The following CERS6 variants were observed in gnomAD, a reference collection of about 807,000 sequenced individuals.
CERS6 encodes ceramide synthase 6.
In CERS6, 26 loss-of-function variants were observed where a neutral mutation model predicts 56.8. The observed-to-expected ratio is 0.46, with a 90% CI of 0.34 to 0.63. CERS6 has a LOEUF of 0.63. CERS6 is among the 30% of genes least tolerant of loss of function. CERS6 has a pLI of 0.01. For missense variants in CERS6, 415 were observed against 467.5 expected, an observed-to-expected ratio of 0.89 and a Z score of 1.04; for synonymous variants, 164 against 173.3, an observed-to-expected ratio of 0.95 and a Z score of 0.42.
intron 1 of CERS6, among the ~76,000 whole-genome samples, chr2:168,471,646 G>A (rs1031613730): frequency 6.6e-6 from 1 of 152,178 alleles, no homozygotes; most frequent in African/African-American, 2.4e-5. Flanking sequence ...CCAGACCTGG[G>A]TAGCCGCTCT....
chr2:168,503,905 A>G (rs779863975), intron 1 of CERS6, among the ~76,000 whole-genome samples: 2 of 152,228 alleles, frequency 1.3e-5, no homozygotes, highest in Non-Finnish European at 2.9e-5. Flanking sequence ...TGCAAGTCCA[A>G]GAAACCCTCT....
At chr2:168,496,411 A>C (rs1694470201) in intron 1 of CERS6, among the ~76,000 whole-genome samples, 1 of 151,988 alleles carries the variant, frequency 6.6e-6, no homozygotes. Flanking sequence ...TAGAGTAGAG[A>C]TTGCCTTATA....
chr2:168,542,261 A>G (rs571161017), intron 1 of CERS6, among the ~76,000 whole-genome samples: 4 of 152,366 alleles, frequency 2.6e-5, no homozygotes, highest in African/African-American at 9.6e-5. Context: ...ATTCAAATAC[A>G]GTTCTAAGAA....
At chr2:168,676,406 A>T (rs1289539630) in intron 4 of CERS6, among the ~76,000 whole-genome samples, 2 of 152,232 alleles carry the variant, frequency 1.3e-5, no homozygotes, top group African/African-American at 4.8e-5. Flanking sequence ...TACACATGTC[A>T]TTATGGAATA....
chr2:168,497,332 GAAAAT>G (rs1351003369), intron 1 of CERS6, among the ~76,000 whole-genome samples: 1 of 150,396 alleles, frequency 6.6e-6, no homozygotes. Context: ...TAAACTATGA[GAAAAT>G]AAAATGTGTC....
chr2:168,552,857 C>T (rs918107475), intron 2 of CERS6, among the ~76,000 whole-genome samples: 8 of 151,902 alleles, frequency 5.3e-5, no homozygotes, highest in African/African-American at 1.9e-4. Context: ...ATATCAAAGA[C>T]AATAAAAAGA....
chr2:168,476,776 T>G (rs1694079972), intron 1 of CERS6, among the ~76,000 whole-genome samples: 1 of 152,062 alleles, frequency 6.6e-6, no homozygotes, highest in Non-Finnish European at 1.5e-5. Context: ...CCTCTGTTTT[T>G]TTTCTATCCA....
At chr2:168,749,404 C>G (rs1032104094) in intron 8 of CERS6, among the ~76,000 whole-genome samples, 2 of 152,184 alleles carry the variant, frequency 1.3e-5, no homozygotes, top group African/African-American at 4.8e-5. Flanking sequence ...GTCCTTTTCC[C>G]CAACAGGTAT....
At chr2:168,764,722 C>T (rs531235927) in intron 8 of CERS6, among the ~76,000 whole-genome samples, 2 of 152,208 alleles carry the variant, frequency 1.3e-5, no homozygotes, top group East Asian at 1.9e-4. Context: ...TGGCATTCTT[C>T]GCGCTTATTT....
At chr2:168,708,803 A>G (rs1687020478) in intron 6 of CERS6, among the ~76,000 whole-genome samples, 1 of 152,160 alleles carries the variant, frequency 6.6e-6, no homozygotes, top group Admixed American at 6.5e-5. Flanking sequence ...AAAGAGGTTC[A>G]CTAATGTTTT....
At chr2:168,578,585 CCAGA>C (rs1484735829) in intron 3 of CERS6, among the ~76,000 whole-genome samples, 1 of 152,000 alleles carries the variant, frequency 6.6e-6, no homozygotes, top group African/African-American at 2.4e-5. Context: ...CTGCAGCCAA[CCAGA>C]CAGTTTTCTA....
intron 4 of CERS6, among the ~76,000 whole-genome samples, chr2:168,681,448 T>A (rs149073657): frequency 6.9e-4 from 105 of 152,320 alleles, no homozygotes; most frequent in Admixed American, 1.2e-3. Context: ...ACTATTAACG[T>A]TGTTTATAAA....
chr2:168,620,014 TACACACACACACACACACACACAC>T (rs1160024194), intron 3 of CERS6, among the ~76,000 whole-genome samples: 4 of 61,208 alleles, frequency 6.5e-5, no homozygotes, highest in African/African-American at 1.7e-4. Context: ...CCACAATCCA[TACACACACACACACACACACACAC>T]ACACACACAC....
At chr2:168,593,526 GTGTTTTGTTTTGTTT>G (rs148109520) in intron 3 of CERS6, among the ~76,000 whole-genome samples, 3 of 151,604 alleles carry the variant, frequency 2.0e-5, no homozygotes, top group Non-Finnish European at 4.4e-5. Flanking sequence ...GAGTTTCTGT[GTGTTTTGTTTTGTTT>G]TGTTTTGTTT....
At chr2:168,632,042 A>G (rs1365910557) in intron 4 of CERS6, among the ~76,000 whole-genome samples, 1 of 151,408 alleles carries the variant, frequency 6.6e-6, no homozygotes, top group African/African-American at 2.4e-5. Context: ...TGAGGGACCG[A>G]AATCTATGAA....
intron 4 of CERS6, among the ~76,000 whole-genome samples, chr2:168,661,282 T>G (rs1034378105): frequency 1.3e-5 from 2 of 152,242 alleles, no homozygotes; most frequent in Non-Finnish European, 2.9e-5. Flanking sequence ...TTAAATGGAA[T>G]GAAGATTAGG....
At chr2:168,662,337 A>G (rs1685651949) in intron 4 of CERS6, among the ~76,000 whole-genome samples, 1 of 152,200 alleles carries the variant, frequency 6.6e-6, no homozygotes, top group South Asian at 2.1e-4. Context: ...TGCACAGTTA[A>G]ATAAAATGGA....
At chr2:168,750,817 CATT>C (rs1173827971) in intron 8 of CERS6, among the ~76,000 whole-genome samples, 1 of 152,162 alleles carries the variant, frequency 6.6e-6, no homozygotes, top group African/African-American at 2.4e-5. Context: ...CGTATTGTAA[CATT>C]ATCAGCCAAA....
intron 1 of CERS6, among the ~76,000 whole-genome samples, chr2:168,461,713 TG>T (rs1193546015): frequency 6.6e-6 from 1 of 152,234 alleles, no homozygotes; most frequent in Non-Finnish European, 1.5e-5. Flanking sequence ...TGCCTTAGAA[TG>T]GTGGAGGAGG....
Sources: allele counts gnomAD v4.1 joint callset (sites outside exome capture counted in the v4.1 genomes callset), GRCh38; gene constraint gnomAD v4.1.1; transcripts MANE v1.5; gene names NCBI Gene and HGNC (gene_info 2026-07-23, HGNC 2026-07-21).